The following DNAAF9 variants were observed in gnomAD, a reference collection of about 807,000 sequenced individuals.
DNAAF9 encodes the protein dynein axonemal assembly factor 9, also known as shulin.
A neutral mutation model predicts 167.0 loss-of-function variants in DNAAF9; 90 were observed. The ratio of observed to expected loss-of-function variants is 0.54; its 90% CI spans 0.45 to 0.64. The LOEUF (loss-of-function observed/expected upper bound fraction) is 0.64. DNAAF9 is among the 30% of genes least tolerant of loss of function. The probability of loss-of-function intolerance (pLI) is 0.00; values close to 1 mark genes in which losing one functional copy is unlikely to be tolerated. For missense variants in DNAAF9, 1,315 were observed against 1,442.2 expected, an observed-to-expected ratio of 0.91 and a Z score of 1.43; for synonymous variants, 491 against 508.8, an observed-to-expected ratio of 0.96 and a Z score of 0.47.
At chr20:3,346,207 G>C (rs1192499564) in intron 8 of DNAAF9, among the ~76,000 whole-genome samples, 1 of 152,164 alleles carries the variant, frequency 6.6e-6, no homozygotes, top group African/African-American at 2.4e-5. Context: ...ATATAGTGCT[G>C]GTGGGAATGC....
rs188323151 is a variant in DNAAF9 at position 3,298,164 on chromosome 20, A to G, written c.1794T>C (p.Ser598=). 5 of 1,613,410 alleles carry G rather than the reference A, an allele frequency of 3.1e-6. No individual in the cohort carries two copies. Among genetic ancestry groups the G allele is most frequent in the Non-Finnish European group, 4.2e-6 (5 of 1,179,730 alleles). The change falls in exon 22 of 37, where the codon AGT becomes AGC. Residue 598 remains serine, a synonymous_variant. Transcript: ENST00000252032. ...SISFYDGDST[S]TVAALLIDFK... ...AGTCTATGAGAAGAGCAGCAACAGTACTGGTGGAATCCTAAAGCGAAAAGG... is the reference window on the plus strand; with the variant it reads ...AGTCTATGAGAAGAGCAGCAACAGTGCTGGTGGAATCCTAAAGCGAAAAGG...
At chr20:3,255,190 G>C in intron 35 of DNAAF9, 29 bp downstream of exon 35, 1 of 1,458,920 alleles carries the variant, frequency 6.9e-7, no homozygotes, top group Non-Finnish European at 9.4e-7. Context: ...CTGGGCCACC[G>C]AGGGGAGAAG....
At chr20:3,302,062 T>A (rs2069199177) in intron 21 of DNAAF9, among the ~76,000 whole-genome samples, 1 of 151,952 alleles carries the variant, frequency 6.6e-6, no homozygotes, top group African/African-American at 2.4e-5. Flanking sequence ...CCTGCCTCAG[T>A]CTCCCAAGTA....
intron 29 of DNAAF9, among the ~76,000 whole-genome samples, chr20:3,278,468 C>T (rs1250449518): frequency 6.6e-6 from 1 of 152,160 alleles, no homozygotes; most frequent in Non-Finnish European, 1.5e-5. Flanking sequence ...TGCCTGTAAT[C>T]CCAGCACTTT....
chr20:3,317,490 CAG>C (rs2069525479), intron 17 of DNAAF9, among the ~76,000 whole-genome samples: 1 of 151,932 alleles, frequency 6.6e-6, no homozygotes, highest in African/African-American at 2.4e-5. Context: ...AGAGAATTAT[CAG>C]GCTCATTCTA....
At chr20:3,372,969 T>G (rs1204630230) in intron 6 of DNAAF9, among the ~76,000 whole-genome samples, 1 of 152,234 alleles carries the variant, frequency 6.6e-6, no homozygotes, top group Non-Finnish European at 1.5e-5. Context: ...CTAACCCCTA[T>G]GGTCTGCCTC....
rs139538093 is a variant in DNAAF9, at chr20:3,274,360, C to T, written c.2651-3798G>A. Among the ~76,000 whole-genome samples, 994 of 152,264 alleles carry T rather than the reference C, an allele frequency of 6.5e-3. 9 individuals carry two copies. The highest frequency in any genetic ancestry group is 0.023 in the African/African-American group (956 of 41,540). On this transcript the variant is annotated intron_variant, in intron 29 of 36. Coordinates refer to ENST00000252032, the MANE Select transcript of DNAAF9 (RefSeq NM_001009984.3). ...GTTTCACCATGTTGGCCAGGCTGGTCTTAAACTCCTGACCTCAGGTGATCC... is the reference window on the plus strand; with the variant it reads ...GTTTCACCATGTTGGCCAGGCTGGTTTTAAACTCCTGACCTCAGGTGATCC...
At chr20:3,267,897 T>G (rs1353073819) in intron 30 of DNAAF9, among the ~76,000 whole-genome samples, 1 of 152,146 alleles carries the variant, frequency 6.6e-6, no homozygotes, top group Non-Finnish European at 1.5e-5. Flanking sequence ...ATTCATAATC[T>G]CCTCTCTTCA....
rs1051136779 is a variant in DNAAF9, at chr20:3,250,355, C to A, written c.*2217G>T. 3.3e-5 allele frequency: 5 copies of A among 152,250 alleles called. No individual in the cohort carries two copies. The highest frequency in any genetic ancestry group is 5.9e-5 in the Non-Finnish European group (4 of 68,080). 9.4% of individuals were successfully genotyped at this position (152,250 alleles called of 1,614,324 possible). ...AGCTCACAGTGCACCGCGGGTGTGC[C>A]TTATCAGTGGGGCAGAGCAAGTGGC... is the stretch of plus-strand genomic sequence containing the variant. On this transcript the variant is annotated 3_prime_UTR_variant, in exon 37 of 37. Transcript: ENST00000252032.
At chr20:3,302,498 C>T (rs960922053) in intron 21 of DNAAF9, among the ~76,000 whole-genome samples, 1 of 151,938 alleles carries the variant, frequency 6.6e-6, no homozygotes, top group African/African-American at 2.4e-5. Flanking sequence ...TTGTATTCAT[C>T]GATCTACCCC....
At chr20:3,341,131 C>T (rs116121760) in intron 9 of DNAAF9, among the ~76,000 whole-genome samples, 1,965 of 152,116 alleles carry the variant, frequency 0.013, 28 homozygotes, top group African/African-American at 0.036. Flanking sequence ...TCTGTACCCA[C>T]CCCCTTCCTC....
At chr20:3,385,255 G>A (rs773014115) in intron 1 of DNAAF9, among the ~76,000 whole-genome samples, 2 of 151,974 alleles carry the variant, frequency 1.3e-5, no homozygotes, top group African/African-American at 4.8e-5. Flanking sequence ...AAGACACATA[G>A]ACTGAAAAGA....
intron 16 of DNAAF9, 22 bp downstream of exon 16, chr20:3,322,195 G>T: frequency 1.3e-6 from 2 of 1,594,228 alleles, no homozygotes; most frequent in South Asian, 2.2e-5. Flanking sequence ...CCAGCCAGCT[G>T]ACCCATGATA....
chr20:3,268,022 CTT>C (rs755499907), intron 30 of DNAAF9, among the ~76,000 whole-genome samples: 26 of 133,314 alleles, frequency 2.0e-4, no homozygotes, highest in Non-Finnish European at 1.5e-4. Flanking sequence ...GATAGGTTTA[CTT>C]TTTTTTTTTT....
intron 10 of DNAAF9, among the ~76,000 whole-genome samples, chr20:3,335,107 TA>T (rs1197168194): frequency 6.6e-6 from 1 of 152,238 alleles, no homozygotes; most frequent in East Asian, 1.9e-4. Flanking sequence ...TTTTTATTTT[TA>T]TTTTTTTGGC....
chr20:3,297,066 A>G (rs2122951572), intron 22 of DNAAF9, 117 bp from the exon 23 acceptor site: 3 of 661,000 alleles, frequency 4.5e-6, no homozygotes. Context: ...GAAAATGACT[A>G]TAACAAACAA....
At chr20:3,316,336 A>G (rs1292455380) in intron 18 of DNAAF9, among the ~76,000 whole-genome samples, 1 of 152,148 alleles carries the variant, frequency 6.6e-6, no homozygotes, top group Non-Finnish European at 1.5e-5. Context: ...ATGTTGCAGT[A>G]AAAACTCCGT....
intron 7 of DNAAF9, among the ~76,000 whole-genome samples, chr20:3,359,124 T>C (rs768769508): frequency 3.3e-5 from 5 of 152,228 alleles, no homozygotes; most frequent in Non-Finnish European, 5.9e-5. Context: ...CAGAAAAAGT[T>C]TGCCCCCCGG....
chr20:3,299,078 C>T (rs1282907205), intron 21 of DNAAF9, among the ~76,000 whole-genome samples: 1 of 150,764 alleles, frequency 6.6e-6, no homozygotes, highest in East Asian at 2.0e-4. Flanking sequence ...CCGGCTAATG[C>T]TTATATTTTC....
Sources: allele counts gnomAD v4.1 joint callset (sites outside exome capture counted in the v4.1 genomes callset), GRCh38; gene constraint gnomAD v4.1.1; transcripts MANE v1.5; gene names NCBI Gene and HGNC (gene_info 2026-07-23, HGNC 2026-07-21).